EYA1: variants seen among roughly 807,000 people sequenced by gnomAD.
EYA1 encodes protein phosphatase EYA1.
Under a neutral mutation model 82.0 loss-of-function variants are expected in EYA1, and 16 were observed. The ratio of observed to expected loss-of-function variants is 0.20; its 90% CI spans 0.13 to 0.30. The LOEUF (loss-of-function observed/expected upper bound fraction) is 0.30, where lower values mean the gene tolerates loss of function less well. EYA1 is among the 10% of genes least tolerant of loss of function. EYA1 has a pLI of 1.00. For synonymous variants in EYA1, 261 were observed against 264.4 expected, an observed-to-expected ratio of 0.99 and a Z score of 0.12; for missense variants, 633 against 730.7, an observed-to-expected ratio of 0.87 and a Z score of 1.54.
intron 2 of EYA1, among the ~76,000 whole-genome samples, chr8:71,377,971 C>A (rs1419891812): frequency 1.3e-5 from 2 of 152,074 alleles, no homozygotes; most frequent in African/African-American, 4.8e-5. Flanking sequence ...CCATCTTGGT[C>A]TCTTTTTAGG....
intron 2 of EYA1, among the ~76,000 whole-genome samples, chr8:71,488,633 T>C (rs543626060): frequency 6.6e-6 from 1 of 152,236 alleles, no homozygotes; most frequent in South Asian, 2.1e-4. Context: ...TTGATCTGGG[T>C]GTTACTTTTA....
chr8:71,386,249 C>T (rs921115572), intron 2 of EYA1, among the ~76,000 whole-genome samples: 3 of 152,084 alleles, frequency 2.0e-5, no homozygotes, highest in African/African-American at 4.8e-5. Context: ...AACACTACAA[C>T]GTGGCTGTCA....
rs576945933 is a variant in EYA1 at position 71,397,219 on chromosome 8, T to C, written c.34-40708A>G. 3.3e-5 allele frequency among the ~76,000 whole-genome samples: 5 copies of C among 152,346 alleles called. No individual in the cohort carries two copies. The East Asian group carries it at 7.7e-4, about 23-fold the overall frequency. ...GATGGGTTTCCTGAATACAGCACAC[T>C]GATGGGTCTTCACTCTTTATCCAAT... On this transcript the variant is annotated intron_variant, in intron 2 of 18. Transcript: ENST00000643681.
intron 1 of EYA1, among the ~76,000 whole-genome samples, chr8:71,545,753 G>A (rs1340170728): frequency 3.3e-5 from 5 of 151,844 alleles, no homozygotes; most frequent in Non-Finnish European, 7.4e-5. Context: ...AGTAGTGGCA[G>A]GGTTTCACCC....
chr8:71,440,430 C>T (rs1288802844), intron 2 of EYA1, among the ~76,000 whole-genome samples: 3 of 152,138 alleles, frequency 2.0e-5, no homozygotes, highest in East Asian at 1.9e-4. Flanking sequence ...ATCAAGAGGA[C>T]GTTAGGAGGA....
chr8:71,450,620 A>C (rs1807282622), intron 2 of EYA1, among the ~76,000 whole-genome samples: 1 of 152,218 alleles, frequency 6.6e-6, no homozygotes, highest in South Asian at 2.1e-4. Context: ...TGAAACACAA[A>C]GGGAGCATGT....
At chr8:71,244,876 T>C (rs919511513) in intron 11 of EYA1, among the ~76,000 whole-genome samples, 184 bp from the exon 12 acceptor site, 6 of 152,198 alleles carry the variant, frequency 3.9e-5, no homozygotes, top group Admixed American at 3.3e-4. Context: ...AGGGACTTAT[T>C]TTATAAAAAG....
At chr8:71,308,160 AT>A (rs1820931468) in intron 7 of EYA1, among the ~76,000 whole-genome samples, 1 of 152,112 alleles carries the variant, frequency 6.6e-6, no homozygotes, top group Non-Finnish European at 1.5e-5. Context: ...TACCTTTTAG[AT>A]TTTCTGAATC....
intron 2 of EYA1, among the ~76,000 whole-genome samples, chr8:71,425,989 C>G (rs557957399): frequency 5.9e-5 from 9 of 152,266 alleles, no homozygotes; most frequent in African/African-American, 2.2e-4. Context: ...CCTCATGAGG[C>G]TGATAGAACC....
At chr8:71,519,666 CAAA>C (rs71956106) in intron 2 of EYA1, among the ~76,000 whole-genome samples, 2 of 126,182 alleles carry the variant, frequency 1.6e-5, no homozygotes, top group African/African-American at 2.9e-5. Flanking sequence ...TTGAAAATGG[CAAA>C]AAAAAAAAAA....
chr8:71,216,162 G>A (rs1437794800), intron 14 of EYA1, among the ~76,000 whole-genome samples: 1 of 152,150 alleles, frequency 6.6e-6, no homozygotes, highest in East Asian at 1.9e-4. Flanking sequence ...GACCTAGAAA[G>A]GCCTTTATCC....
At chr8:71,399,906 A>G (rs878928864) in intron 2 of EYA1, among the ~76,000 whole-genome samples, 21 of 152,190 alleles carry the variant, frequency 1.4e-4, no homozygotes, top group Non-Finnish European at 2.5e-4. Context: ...CTATACTACA[A>G]GGCTACAGTA....
intron 2 of EYA1, among the ~76,000 whole-genome samples, chr8:71,471,303 C>T (rs1181147221): frequency 2.6e-5 from 4 of 151,838 alleles, no homozygotes; most frequent in African/African-American, 9.7e-5. Context: ...GTCTGTAATC[C>T]TTATTAAAAT....
intron 2 of EYA1, among the ~76,000 whole-genome samples, chr8:71,406,814 C>T (rs1830267763): frequency 6.8e-6 from 1 of 146,218 alleles, no homozygotes; most frequent in South Asian, 2.3e-4. Flanking sequence ...CCCGCCATTG[C>T]CCAGGCTTGC....
At chr8:71,275,110 C>A (rs1413203313) in intron 9 of EYA1, among the ~76,000 whole-genome samples, 1 of 152,092 alleles carries the variant, frequency 6.6e-6, no homozygotes, top group African/African-American at 2.4e-5. Context: ...CTCCACGTGG[C>A]AGGGTGCTGG....
rs73288377 is a variant in EYA1, at chr8:71,285,914, A to C, written c.826+13133T>G. 8.9e-3 allele frequency among the ~76,000 whole-genome samples: 1,361 copies of C among 152,342 alleles called. 23 individuals carry two copies. The highest frequency in any genetic ancestry group is 0.031 in the African/African-American group (1,291 of 41,568). ...ATTGATATCCCACTTTTCTAAAAGA[A>C]GGGTTTAAGATAACCCACCAAATAT... On this transcript the variant is annotated intron_variant, in intron 9 of 17. Transcript: ENST00000340726.
intron 2 of EYA1, among the ~76,000 whole-genome samples, chr8:71,402,735 G>T (rs1324555207): frequency 6.6e-6 from 1 of 152,010 alleles, no homozygotes; most frequent in Non-Finnish European, 1.5e-5. Context: ...AATTAAAATG[G>T]TATGCTTTTG....
chr8:71,402,590 T>C (rs1428389572), intron 2 of EYA1, among the ~76,000 whole-genome samples: 3 of 152,222 alleles, frequency 2.0e-5, no homozygotes, highest in Non-Finnish European at 4.4e-5. Flanking sequence ...TTTGGGGTTA[T>C]GAGAGAACTG....
intron 2 of EYA1, among the ~76,000 whole-genome samples, chr8:71,413,991 T>C (rs1258737331): frequency 6.6e-6 from 1 of 152,116 alleles, no homozygotes. Context: ...GAGAATGCTG[T>C]TGGGATTAAC....
Sources: allele counts gnomAD v4.1 joint callset (sites outside exome capture counted in the v4.1 genomes callset), GRCh38; gene constraint gnomAD v4.1.1; transcripts MANE v1.5; gene names NCBI Gene and HGNC (gene_info 2026-07-23, HGNC 2026-07-21).